MYO5B: variants seen among roughly 807,000 people sequenced by gnomAD.
MYO5B encodes unconventional myosin-Vb.
In MYO5B, 143 loss-of-function variants were observed where a neutral mutation model predicts 229.3. The ratio of observed to expected loss-of-function variants is 0.62; its 90% CI spans 0.54 to 0.72. The LOEUF is 0.72. Ranked by LOEUF, MYO5B falls within the 30% of genes least tolerant of loss-of-function variation. The pLI, the probability that MYO5B is intolerant of heterozygous loss-of-function variation, is 0.00. For synonymous variants in MYO5B, 918 were observed against 885.2 expected (o/e 1.04, Z -0.66); for missense variants, 2,321 against 2,331.0 (o/e 1.00, Z 0.09).
At chr18:49,848,869 G>A (rs536251271) in intron 32 of MYO5B, among the ~76,000 whole-genome samples, 13 of 152,226 alleles carry the variant, frequency 8.5e-5, no homozygotes, top group Admixed American at 5.2e-4. Flanking sequence ...CAGTCTAGAG[G>A]AGCAGGAGAT....
intron 12 of MYO5B, among the ~76,000 whole-genome samples, chr18:49,956,071 G>T (rs2025489249): frequency 6.6e-6 from 1 of 152,052 alleles, no homozygotes; most frequent in African/African-American, 2.4e-5. Context: ...GAATTAATAA[G>T]CAGAGGAAAC....
chr18:50,055,290 T>G lies in MYO5B; in HGVS notation c.116A>C (p.Gln39Pro). The G allele has an allele frequency of 2.8e-6, 4 of 1,441,116 alleles. No individual in the cohort carries two copies. The highest frequency in any genetic ancestry group is 3.7e-6 in the Non-Finnish European group (4 of 1,074,950). 89.3% of individuals were successfully genotyped at this position (1,441,116 alleles called of 1,614,324 possible). Reference sequence around the variant, plus strand: ...TACCGTTTCATCCTCCAGTCTGAGCTGTAGGCTCTTGTCTCCTTCTTTGTA... The same window carrying G: ...TACCGTTTCATCCTCCAGTCTGAGCGGTAGGCTCTTGTCTCCTTCTTTGTA... ...KDYKEGDKSL[Q>P]LRLEDETILE... Residue 39 changes from glutamine to proline, a missense_variant, in exon 2 of 40, where the codon CAG becomes CCG. Coordinates refer to ENST00000285039, the MANE Select transcript of MYO5B (RefSeq NM_001080467.3).
At chr18:50,077,189 A>AAAAAAAAAAAAAAAC (rs2031102408) in intron 1 of MYO5B, among the ~76,000 whole-genome samples, 1 of 150,890 alleles carries the variant, frequency 6.6e-6, no homozygotes, top group Admixed American at 6.6e-5. Context: ...AAAAAAAAAA[A>AAAAAAAAAAAAAAAC]AAAAGACAAC....
At chr18:50,121,025 C>T (rs2032050326) in intron 1 of MYO5B, among the ~76,000 whole-genome samples, 2 of 152,214 alleles carry the variant, frequency 1.3e-5, no homozygotes, top group South Asian at 2.1e-4. Flanking sequence ...TGCAGATGCA[C>T]CTGCTCTCCT....
At chr18:50,127,526 G>A (rs771354618) in intron 1 of MYO5B, among the ~76,000 whole-genome samples, 2 of 152,164 alleles carry the variant, frequency 1.3e-5, no homozygotes. Flanking sequence ...AGCTGAAAGA[G>A]AACAATGGAG....
Position 50,001,335 on chromosome 18 carries a change from G to A in MYO5B, c.532C>T (p.Arg178Cys), listed in dbSNP as rs778249198. The change falls in exon 5 of 40, where the codon CGC becomes TGC. Residue 178 changes from arginine to cysteine, a missense_variant. Physicochemically the swap from Arg to Cys is radical, Grantham distance 180 (BLOSUM62 -3). This residue lies in a region of MYO5B where 2,113 missense variants were observed against 2,044.7 expected (regional missense o/e 1.03). Transcript: ENST00000285039. ...GAGCCACCAACGGTGGCGAAATAGCGCATGGCATACTTGGCTGATACCGTC... is the reference window on the plus strand; with the variant it reads ...GAGCCACCAACGGTGGCGAAATAGCACATGGCATACTTGGCTGATACCGTC... The part of the protein sequence containing the change: ...GKTVSAKYAM[R>C]YFATVGGSAS... 5.3e-5 allele frequency: 85 copies of A among 1,614,020 alleles called. No individual in the cohort carries two copies. The highest frequency in any genetic ancestry group is 8.9e-5 in the East Asian group (4 of 44,872).
At chr18:49,936,590 C>G (rs1007338633) in intron 15 of MYO5B, among the ~76,000 whole-genome samples, 1 of 152,072 alleles carries the variant, frequency 6.6e-6, no homozygotes, top group Non-Finnish European at 1.5e-5. Context: ...AGACTACCCC[C>G]TAATGTGCCT....
chr18:50,191,288 A>C (rs2033223083), intron 1 of MYO5B, among the ~76,000 whole-genome samples: 1 of 152,198 alleles, frequency 6.6e-6, no homozygotes, highest in Non-Finnish European at 1.5e-5. Flanking sequence ...CAAGACCCTA[A>C]ATGATTAAGA....
intron 27 of MYO5B, among the ~76,000 whole-genome samples, chr18:49,865,337 A>G (rs375237102): frequency 1.3e-5 from 2 of 152,254 alleles, no homozygotes; most frequent in African/African-American, 2.4e-5. Flanking sequence ...ACTCCACCAT[A>G]TATGTGGTGA....
chr18:50,142,313 A>C (rs981663817), intron 1 of MYO5B, among the ~76,000 whole-genome samples: 1 of 152,242 alleles, frequency 6.6e-6, no homozygotes, highest in Non-Finnish European at 1.5e-5. Flanking sequence ...CAGAAATGTT[A>C]TGAAAGTGGC....
intron 6 of MYO5B, among the ~76,000 whole-genome samples, chr18:49,991,842 C>T (rs2025937036): frequency 6.6e-6 from 1 of 152,150 alleles, no homozygotes; most frequent in South Asian, 2.1e-4. Context: ...AAAAATGGGA[C>T]ATCCACTTAT....
intron 22 of MYO5B, among the ~76,000 whole-genome samples, chr18:49,880,686 A>T (rs1324633030): frequency 6.6e-6 from 1 of 152,238 alleles, no homozygotes. Flanking sequence ...CCACAAACAC[A>T]TCATGAAAAG....
chr18:49,983,214 T>A (rs187314961), intron 8 of MYO5B, among the ~76,000 whole-genome samples: 4 of 152,302 alleles, frequency 2.6e-5, no homozygotes, highest in East Asian at 3.9e-4. Context: ...TGGTAGAATG[T>A]CAAGCTTGCT....
At chr18:50,162,125 C>T (rs2032775901) in intron 1 of MYO5B, among the ~76,000 whole-genome samples, 2 of 152,258 alleles carry the variant, frequency 1.3e-5, no homozygotes, top group South Asian at 4.1e-4. Flanking sequence ...TTCTCCAATT[C>T]CCCTGTGCTC....
chr18:50,128,678 C>T (rs1446028971), intron 1 of MYO5B, among the ~76,000 whole-genome samples: 1 of 152,152 alleles, frequency 6.6e-6, no homozygotes, highest in African/African-American at 2.4e-5. Context: ...GCCAAAGAGC[C>T]CAGGGAGAAG....
intron 25 of MYO5B, among the ~76,000 whole-genome samples, chr18:49,877,467 A>C (rs576922441): frequency 1.3e-5 from 2 of 151,924 alleles, no homozygotes; most frequent in South Asian, 4.2e-4. Context: ...CACCTATTTC[A>C]CCTCTCTGCA....
intron 10 of MYO5B, among the ~76,000 whole-genome samples, chr18:49,967,901 A>AC (rs974720020): frequency 6.6e-6 from 1 of 151,996 alleles, no homozygotes; most frequent in African/African-American, 2.4e-5. Flanking sequence ...CACTGTTCAC[A>AC]CCCCAAGGCG....
rs1437147598 is a variant in MYO5B at position 49,825,682 on chromosome 18, TG to T, written c.*788del. On this transcript the variant is annotated 3_prime_UTR_variant, in exon 40 of 40. Transcript: ENST00000285039. ...CTTATATACATTTTTGTGAAAGTTT[TG>T]TGGGACTTGGAAAGTGTATGGACTA... 2.0e-5 allele frequency: 3 copies of T among 152,438 alleles called. No homozygotes were observed. Among genetic ancestry groups the T allele is most frequent in the African/African-American group, 4.8e-5 (2 of 41,466 alleles). The allele number at this position is 152,438 out of a possible 1,614,324, so 9.4% of individuals were successfully genotyped here.
intron 1 of MYO5B, among the ~76,000 whole-genome samples, chr18:50,122,735 C>G (rs1179719614): frequency 6.6e-6 from 1 of 150,466 alleles, no homozygotes; most frequent in African/African-American, 2.4e-5. Context: ...ATAACAGACC[C>G]TGAAATGCAA....
Sources: allele counts gnomAD v4.1 joint callset (sites outside exome capture counted in the v4.1 genomes callset), GRCh38; gene constraint gnomAD v4.1.1; regional missense constraint gnomAD v4.1.1; transcripts MANE v1.5; gene names NCBI Gene and HGNC (gene_info 2026-07-23, HGNC 2026-07-21).